The following NEBL variants were observed in gnomAD, a reference collection of about 807,000 sequenced individuals.
NEBL encodes nebulette.
In NEBL, 122 loss-of-function variants were observed where a neutral mutation model predicts 140.2. That is an observed-to-expected ratio of 0.87 (90% confidence interval 0.75 to 1.01). NEBL has a LOEUF of 1.01. Among genes scored for constraint, NEBL ranks in the 50% least tolerant of loss-of-function variants. The pLI is 0.00. For synonymous variants in NEBL, 436 were observed against 398.9 expected, an observed-to-expected ratio of 1.09 and a Z score of -1.11; for missense variants, 1,365 against 1,231.3, an observed-to-expected ratio of 1.11 and a Z score of -1.62.
chr10:21,024,666 T>G (rs1838950637), intron 2 of NEBL, among the ~76,000 whole-genome samples: 1 of 152,246 alleles, frequency 6.6e-6, no homozygotes, highest in East Asian at 1.9e-4. Context: ...GGAACCTAAT[T>G]AATTTCAAAC....
chr10:20,991,859 C>T (rs1837471171), intron 3 of NEBL, among the ~76,000 whole-genome samples: 1 of 142,206 alleles, frequency 7.0e-6, no homozygotes, highest in Non-Finnish European at 1.5e-5. Flanking sequence ...CAGATGAGAA[C>T]ATGCAGTGTT....
chr10:20,963,072 T>C (rs2131621068), intron 3 of NEBL, among the ~76,000 whole-genome samples: 2 of 151,688 alleles, frequency 1.3e-5, no homozygotes, highest in Middle Eastern at 3.4e-3. Context: ...TCTCATCGCT[T>C]TTAGCTTAAG....
At chr10:21,010,038 C>T (rs978802765) in intron 3 of NEBL, among the ~76,000 whole-genome samples, 3 of 152,036 alleles carry the variant, frequency 2.0e-5, no homozygotes, top group African/African-American at 4.8e-5. Flanking sequence ...CATTACGAGA[C>T]AGTAGTGTCT....
chr10:21,000,082 G>A (rs979917017), intron 3 of NEBL, among the ~76,000 whole-genome samples: 14 of 151,300 alleles, frequency 9.3e-5, no homozygotes, highest in East Asian at 3.9e-4. Context: ...TTTGGAAGGC[G>A]GCCCGTGGCA....
intron 4 of NEBL, among the ~76,000 whole-genome samples, chr10:20,952,997 T>C (rs1170186461): frequency 6.6e-6 from 1 of 151,130 alleles, no homozygotes; most frequent in Non-Finnish European, 1.5e-5. Context: ...TATATTATAA[T>C]TATGTGACAC....
intron 1 of NEBL, among the ~76,000 whole-genome samples, chr10:21,252,665 G>A (rs1564550163): frequency 1.3e-5 from 2 of 152,174 alleles, no homozygotes; most frequent in Non-Finnish European, 2.9e-5. Context: ...ATAAAAATGA[G>A]GCAGAGGAGG....
At chr10:20,853,830 T>G (rs1842785055) in intron 9 of NEBL, among the ~76,000 whole-genome samples, 3 of 152,106 alleles carry the variant, frequency 2.0e-5, no homozygotes, top group Non-Finnish European at 4.4e-5. Flanking sequence ...AATGCCACAA[T>G]AGGGTGACCA....
chr10:21,157,534 G>A (rs1057409122), intron 2 of NEBL, among the ~76,000 whole-genome samples: 1 of 152,100 alleles, frequency 6.6e-6, no homozygotes, highest in Non-Finnish European at 1.5e-5. Context: ...TGGTGCTACT[G>A]TACTCTAGCC....
chr10:21,104,572 G>A (rs1837624371), intron 2 of NEBL, among the ~76,000 whole-genome samples: 1 of 151,946 alleles, frequency 6.6e-6, no homozygotes, highest in South Asian at 2.1e-4. Flanking sequence ...TTTTATATTG[G>A]CTTATATACT....
intron 2 of NEBL, among the ~76,000 whole-genome samples, chr10:21,027,262 T>A (rs1589149670): frequency 1.3e-5 from 2 of 151,126 alleles, no homozygotes; most frequent in South Asian, 2.1e-4. Flanking sequence ...CTTTCATTCA[T>A]AAAGGAAGAA....
chr10:21,077,328 G>A (rs567526002), intron 2 of NEBL, among the ~76,000 whole-genome samples: 1 of 152,302 alleles, frequency 6.6e-6, no homozygotes, highest in African/African-American at 2.4e-5. Context: ...TTGCTGGCCG[G>A]GCGCAGTGGC....
chr10:21,233,500 C>T (rs2132256744), intron 3 of NEBL, among the ~76,000 whole-genome samples: 1 of 150,884 alleles, frequency 6.6e-6, no homozygotes, highest in South Asian at 2.1e-4. Flanking sequence ...TGTATGCATA[C>T]ATAACTATAT....
At position 21,232,231 on chromosome 10, in the gene NEBL, C is replaced by T. The variant is rs533974338; in HGVS notation, n.348+15690G>A. ...GAGAGCAAAGTAGCCATAGACCATG[C>T]AATTCTCTGCAACCCATAATACAGA... On this transcript the variant is annotated intron_variant and non_coding_transcript_variant, in intron 3 of 8. Coordinates refer to the NEBL transcript ENST00000675702. 2.6e-5 allele frequency among the ~76,000 whole-genome samples: 4 copies of T among 152,118 alleles called. No individual in the cohort carries two copies. The South Asian group carries it at 8.3e-4, about 32-fold the overall frequency.
intron 2 of NEBL, among the ~76,000 whole-genome samples, chr10:21,078,410 C>T (rs1050215607): frequency 1.3e-5 from 2 of 152,144 alleles, no homozygotes; most frequent in Non-Finnish European, 2.9e-5. Flanking sequence ...AAAAAGGTTA[C>T]AGACTGTAAT....
chr10:21,288,831 T>TATATATATATATAC (rs1208515107), intron 1 of NEBL, among the ~76,000 whole-genome samples: 1 of 77,050 alleles, frequency 1.3e-5, no homozygotes, highest in Admixed American at 1.6e-4. Context: ...TATATATATA[T>TATATATATATATAC]ATATATATAT....
rs996916612 is a variant in NEBL at position 20,850,449 on chromosome 10, A to C, written c.1062T>G (p.Phe354Leu). ...EKNKGKPMLE[F>L]VETPSYQASK... ...AAGCTTGATATGATGGTGTCTCAAC[A>C]AATTCAAGCATTGGCTTTCCCTTAT... is the stretch of plus-strand genomic sequence containing the variant. The change falls in exon 11 of 28, where the codon TTT becomes TTG. Residue 354 changes from phenylalanine to leucine, a missense_variant. Physicochemically the swap from Phe to Leu is conservative, Grantham distance 22. Coordinates refer to ENST00000377122, the MANE Select transcript of NEBL (RefSeq NM_006393.3). 2 of 1,612,656 alleles carry C rather than the reference A, an allele frequency of 1.2e-6. No individual in the cohort carries two copies. The highest frequency in any genetic ancestry group is 3.3e-5 in the Admixed American group (2 of 60,028).
chr10:21,182,027 T>C (rs1461890339), intron 3 of NEBL, among the ~76,000 whole-genome samples: 2 of 152,158 alleles, frequency 1.3e-5, no homozygotes, highest in African/African-American at 4.8e-5. Context: ...ACGCATCTGA[T>C]GGCCTAACCG....
At chr10:21,166,617 A>G (rs1420738777) in intron 2 of NEBL, among the ~76,000 whole-genome samples, 1 of 152,124 alleles carries the variant, frequency 6.6e-6, no homozygotes, top group Non-Finnish European at 1.5e-5. Flanking sequence ...GGCCTATCCT[A>G]GTGTTGTTTT....
In NEBL at chr10:21,209,439, G is replaced by A. The variant is rs150541715; in HGVS notation, n.349-36962C>T. ...TGGAAAGTCTAGCCTCGGGAGATGT[G>A]TATTTTTTCATGGATACATTGCCCC... On this transcript the variant is annotated intron_variant and non_coding_transcript_variant, in intron 3 of 8. Transcript: ENST00000675702. 1.7e-4 allele frequency among the ~76,000 whole-genome samples: 26 copies of A among 152,206 alleles called. No individual in the cohort carries two copies. In the East Asian group the frequency reaches 3.5e-3, roughly 20 times the overall value.
Sources: allele counts gnomAD v4.1 joint callset (sites outside exome capture counted in the v4.1 genomes callset), GRCh38; gene constraint gnomAD v4.1.1; transcripts MANE v1.5; gene names NCBI Gene and HGNC (gene_info 2026-07-23, HGNC 2026-07-21).